TRAPPC4: variants seen among roughly 807,000 people sequenced by gnomAD.
The protein encoded by TRAPPC4 is trafficking protein particle complex subunit 4, also known as TRS23 homolog.
Under a neutral mutation model 23.5 loss-of-function variants are expected in TRAPPC4, and 30 were observed. The ratio of observed to expected loss-of-function variants is 1.28; its 90% CI spans 0.96 to 1.73. The LOEUF is 1.73. Among genes scored for constraint, TRAPPC4 ranks in the 40% most tolerant of loss-of-function variants. The pLI, the probability that TRAPPC4 is intolerant of heterozygous loss-of-function variation, is 0.00. For synonymous variants in TRAPPC4, 129 were observed against 105.3 expected (o/e 1.23, Z -1.38); for missense variants, 252 against 268.9 (o/e 0.94, Z 0.44).
chr11:119,023,565 C>T lies in TRAPPC4; in HGVS notation c.*166C>T, dbSNP rs56066509. 9,011 of 610,638 alleles carry T rather than the reference C, an allele frequency of 0.015. 147 individuals carry two copies. Among genetic ancestry groups the T allele is most frequent in the East Asian group, 0.038 (1,349 of 35,090 alleles). The allele number at this position is 610,638 out of a possible 1,614,324, so 37.8% of individuals were successfully genotyped here. A position where few individuals can be genotyped will look rare whatever the true frequency, so the allele number is the denominator to read the frequency against. ...CCTGAGCCTTAACACTGTGCTCTTT[C>T]CTTCTGTATATACCATGGTCTTACT... On this transcript the variant is annotated 3_prime_UTR_variant, in exon 5 of 5. Coordinates refer to ENST00000533632, the MANE Select transcript of TRAPPC4 (RefSeq NM_016146.6).
chr11:119,018,868 C>G lies in TRAPPC4; in HGVS notation c.73C>G (p.Arg25Gly). The G allele has an allele frequency of 6.2e-7, 1 of 1,614,198 alleles. No homozygotes were observed. Among genetic ancestry groups the G allele is most frequent in the Non-Finnish European group, 8.5e-7 (1 of 1,180,048 alleles). ...LIYQLDSYAP[R>G]AEAEKTFSYP... Reference sequence around the variant, plus strand: ...TTACCAGTTGGACAGCTACGCGCCACGGGCTGAGGCTGAGAAAACTTTCAG... The same window carrying G: ...TTACCAGTTGGACAGCTACGCGCCAGGGGCTGAGGCTGAGAAAACTTTCAG... Residue 25 changes from arginine to glycine, a missense_variant, in exon 1 of 5, where the codon CGG becomes GGG. Arg to Gly is a moderately radical substitution (Grantham distance 125). This residue lies in a region of TRAPPC4 where 222 missense variants were observed against 217.8 expected (regional missense o/e 1.02). Transcript: ENST00000533632.
chr11:119,023,360 G>A lies in TRAPPC4; in HGVS notation c.621G>A (p.Glu207=), dbSNP rs781863074. The A allele has an allele frequency of 1.2e-6, 2 of 1,614,132 alleles. No homozygotes were observed. Among genetic ancestry groups the A allele is most frequent in the South Asian group, 2.2e-5 (2 of 91,078 alleles). The change falls in exon 5 of 5, where the codon GAG becomes GAA. Residue 207 remains glutamate, a synonymous_variant. Transcript: ENST00000533632. The part of the protein sequence containing the change: ...LFDQNLKLAL[E]VAEKAGTFGP... Reference sequence around the variant, plus strand: ...ACCAGAACCTGAAGCTAGCTCTGGAGGTGGCAGAGAAGGCTGGAACTTTTG... The same window carrying A: ...ACCAGAACCTGAAGCTAGCTCTGGAAGTGGCAGAGAAGGCTGGAACTTTTG...
Position 119,018,774 on chromosome 11 carries a change from G to A in TRAPPC4, c.-22G>A. 1 of 1,609,870 alleles carries A rather than the reference G, an allele frequency of 6.2e-7. No individual in the cohort carries two copies. Among genetic ancestry groups the A allele is most frequent in the Non-Finnish European group, 8.5e-7 (1 of 1,176,504 alleles). ...GCCGTCGGGTAGAGGCTGAATACCAGTTTCCGAGCGGCAAGGCAGCGATGG... is the reference window on the plus strand; with the variant it reads ...GCCGTCGGGTAGAGGCTGAATACCAATTTCCGAGCGGCAAGGCAGCGATGG... On this transcript the variant is annotated 5_prime_UTR_variant, in exon 1 of 5. Transcript: ENST00000533632.
chr11:119,021,147 C>T (rs1163334940), intron 3 of TRAPPC4: 1 of 152,384 alleles, frequency 6.6e-6, no homozygotes, highest in African/African-American at 2.4e-5. Context: ...CCTCTGCCTC[C>T]CACAGTGCTG....
chr11:119,022,016 C>G, intron 4 of TRAPPC4, 130 bp downstream of exon 4: 1 of 1,215,522 alleles, frequency 8.2e-7, no homozygotes, highest in Non-Finnish European at 1.1e-6. Context: ...CGGAGTTTCG[C>G]TCTTGTTGCC....
At chr11:119,020,073 T>C in intron 2 of TRAPPC4, 77 bp from the exon 3 acceptor site, 1 of 1,039,458 alleles carries the variant, frequency 9.6e-7, no homozygotes, top group Admixed American at 1.8e-5. Flanking sequence ...TGTGAACTCC[T>C]CAGCAAATAG....
Position 119,018,794 on chromosome 11 carries a change from C to T in TRAPPC4, c.-2C>T. On this transcript the variant is annotated 5_prime_UTR_variant, in exon 1 of 5. Coordinates refer to ENST00000533632, the MANE Select transcript of TRAPPC4 (RefSeq NM_016146.6). ...TACCAGTTTCCGAGCGGCAAGGCAG[C>T]GATGGCGATTTTTAGTGTGTATGTG... is the stretch of plus-strand genomic sequence containing the variant. The T allele has an allele frequency of 6.2e-7, 1 of 1,611,304 alleles. No individual in the cohort carries two copies.
chr11:119,020,208 C>G lies in TRAPPC4; in HGVS notation c.409C>G (p.Leu137Val). The change falls in exon 3 of 5, where the codon CTG becomes GTG. Residue 137 changes from leucine (L) to valine (V), a missense_variant. Coordinates refer to ENST00000533632, the MANE Select transcript of TRAPPC4 (RefSeq NM_016146.6). ...PEQGSSGIEM[L>V]ETDTFKLHCY... ...ACAGGGAAGCTCAGGCATTGAGATG[C>G]TGGAGACAGACACATTCAAATTGCA... 1.9e-6 allele frequency: 3 copies of G among 1,613,938 alleles called. No homozygotes were observed. The highest frequency in any genetic ancestry group is 2.5e-6 in the Non-Finnish European group (3 of 1,179,994).
At position 119,018,897 on chromosome 11, in the gene TRAPPC4, T is replaced by C. The variant is rs782557116; in HGVS notation, c.102T>C (p.Tyr34=). Reference sequence around the variant, plus strand: ...CTGAGGCTGAGAAAACTTTCAGTTATCCGCTGGATCTGCTGCTCAAGCTAC... The same window carrying C: ...CTGAGGCTGAGAAAACTTTCAGTTACCCGCTGGATCTGCTGCTCAAGCTAC... ...PRAEAEKTFS[Y]PLDLLLKLHD... is the part of the protein sequence containing the mutation. Residue 34 remains tyrosine, a synonymous_variant, in exon 1 of 5, where the codon TAT becomes TAC. Transcript: ENST00000533632. 5 of 1,614,006 alleles carry C rather than the reference T, an allele frequency of 3.1e-6. No homozygotes were observed. The highest frequency in any genetic ancestry group is 1.7e-5 in the Admixed American group (1 of 60,010).
At chr11:119,020,349 TGGA>T (rs1457851312) in intron 3 of TRAPPC4, 96 bp downstream of exon 3, 3 of 967,978 alleles carry the variant, frequency 3.1e-6, no homozygotes, top group Admixed American at 2.0e-5. Context: ...AGGAGTGTGG[TGGA>T]GAAGGTGGGA....
At position 119,020,165 on chromosome 11, in the gene TRAPPC4, C is replaced by T; in HGVS notation, c.366C>T (p.Gly122=). The part of the protein sequence containing the change: ...ASMFHSLFAI[G]SQLSPEQGSS... ...TTGCATATAGGCTCTTTGCCATCGG[C>T]TCCCAGCTGTCTCCTGAACAGGGAA... Residue 122 remains glycine (G), a synonymous_variant, in exon 3 of 5, where the codon GGC becomes GGT. Transcript: ENST00000533632. The T allele has an allele frequency of 2.5e-6, 4 of 1,613,824 alleles. No homozygotes were observed. The highest frequency in any genetic ancestry group is 3.4e-6 in the Non-Finnish European group (4 of 1,179,866).
chr11:119,023,961 T>C lies in TRAPPC4; in HGVS notation c.*562T>C, dbSNP rs1943472461. The C allele has an allele frequency of 6.5e-6, 1 of 152,896 alleles. No individual in the cohort carries two copies. Among genetic ancestry groups the C allele is most frequent in the South Asian group, 2.1e-4 (1 of 4,868 alleles). The allele number at this position is 152,896 out of a possible 1,614,324, so 9.5% of individuals were successfully genotyped here. A position where few individuals can be genotyped will look rare whatever the true frequency, so the allele number is the denominator to read the frequency against. ...GCCAGGCATTCCTGCTTTATCTCAC[T>C]TGATCTTCACCCTAACTCCAGGGGG... On this transcript the variant is annotated 3_prime_UTR_variant, in exon 5 of 5. Transcript: ENST00000533632.
chr11:119,023,413 T>G lies in TRAPPC4; in HGVS notation c.*14T>G, dbSNP rs943103596. ...CCTGGGTCATAGGCTGAACCTGTTA[T>G]GGACCCCCAAATTCTGAGAGTTCCT... On this transcript the variant is annotated 3_prime_UTR_variant, in exon 5 of 5. Transcript: ENST00000533632. 1.9e-6 allele frequency: 3 copies of G among 1,613,102 alleles called. No individual in the cohort carries two copies. The highest frequency in any genetic ancestry group is 2.5e-6 in the Non-Finnish European group (3 of 1,179,248).
At chr11:119,022,726 C>G (rs1407328679) in intron 4 of TRAPPC4, among the ~76,000 whole-genome samples, 1 of 152,022 alleles carries the variant, frequency 6.6e-6, no homozygotes, top group Non-Finnish European at 1.5e-5. Flanking sequence ...CCCATCTCTG[C>G]TAAAAATACT....
In TRAPPC4 at chr11:119,019,167, A is replaced by G. The variant is rs576734506; in HGVS notation, c.200A>G (p.Asn67Ser). ...IRVGHAVLAI[N>S]GMDVNGRYTA... ...GTGGGTCATGCAGTGCTGGCCATCA[A>G]TGGCATGGACGTGAATGGCAGGTAC... The change falls in exon 2 of 5, where the codon AAT (asparagine) becomes AGT (serine). Residue 67 changes from asparagine (N) to serine (S), a missense_variant. Physicochemically the swap from Asn to Ser is conservative, Grantham distance 46 (BLOSUM62 1). Around this residue, in one of 3 missense-constraint regions of TRAPPC4, gnomAD observed 222 missense variants for 217.8 expected, o/e 1.02. Transcript: ENST00000533632. The G allele has an allele frequency of 5.1e-5, 83 of 1,614,162 alleles. No individual in the cohort carries two copies. Among genetic ancestry groups the G allele is most frequent in the African/African-American group, 8.0e-5 (6 of 75,044 alleles).
intron 3 of TRAPPC4, 156 bp downstream of exon 3, chr11:119,020,409 G>T: frequency 1.7e-6 from 1 of 590,012 alleles, no homozygotes; most frequent in Non-Finnish European, 3.0e-6. Flanking sequence ...AAGAGGGGGT[G>T]TGCTTTTCCT....
chr11:119,019,841 G>T (rs896555850), intron 2 of TRAPPC4: 2 of 247,022 alleles, frequency 8.1e-6, no homozygotes, highest in Non-Finnish European at 1.6e-5. Flanking sequence ...AACTTTTTCT[G>T]CTCTCAATTG....
chr11:119,023,618 G>T lies in TRAPPC4; in HGVS notation c.*219G>T. Reference sequence around the variant, plus strand: ...CCAACTCTGTACAGATTTATTTATGGAGGAGCTAGGTCCATAAATGTTGTA... The same window carrying T: ...CCAACTCTGTACAGATTTATTTATGTAGGAGCTAGGTCCATAAATGTTGTA... On this transcript the variant is annotated 3_prime_UTR_variant, in exon 5 of 5. Transcript: ENST00000533632. 2.4e-6 allele frequency: 1 copy of T among 421,840 alleles called. No homozygotes were observed. Among genetic ancestry groups the T allele is most frequent in the Non-Finnish European group, 4.3e-6 (1 of 232,906 alleles). 26.1% of individuals were successfully genotyped at this position (421,840 alleles called of 1,614,324 possible).
intron 4 of TRAPPC4, 72 bp downstream of exon 4, chr11:119,021,958 G>T: frequency 6.4e-7 from 1 of 1,560,174 alleles, no homozygotes; most frequent in Non-Finnish European, 8.7e-7. Flanking sequence ...TCCAAAGTTA[G>T]CTGAAGCATA....
Sources: gnomAD v4.1 joint callset for allele counts (sites outside exome capture counted in the v4.1 genomes callset) on GRCh38, gnomAD v4.1.1 for gene constraint, gnomAD v4.1.1 regional missense constraint, MANE v1.5 for transcripts, NCBI Gene and HGNC (gene_info 2026-07-23, HGNC 2026-07-21) for gene names.